Variants in ENDOU observed in about 807,000 individuals in gnomAD.
The protein encoded by ENDOU is uridylate-specific endoribonuclease.
ENDOU carries 49 observed loss-of-function variants against 54.2 expected under a neutral mutation model. The ratio of observed to expected loss-of-function variants is 0.90; its 90% confidence interval spans 0.72 to 1.15. ENDOU has a LOEUF of 1.15. ENDOU is among the 50% of genes most tolerant of loss of function. The pLI, the probability that ENDOU is intolerant of heterozygous loss-of-function variation, is 0.00. For missense variants in ENDOU, 458 were observed against 511.4 expected, an observed-to-expected ratio of 0.90 and a Z score of 1.01; for synonymous variants, 172 against 190.5, an observed-to-expected ratio of 0.90 and a Z score of 0.80.
chr12:47,715,004 G>C (rs1438942177), intron 6 of ENDOU, among the ~76,000 whole-genome samples: 1 of 152,200 alleles, frequency 6.6e-6, no homozygotes. Flanking sequence ...TGAGTGCCAG[G>C]CTTTCTACTG....
At chr12:47,725,325 C>T (rs1202488579) in intron 1 of ENDOU, 34 bp downstream of exon 1, 1 of 1,612,670 alleles carries the variant, frequency 6.2e-7, no homozygotes, top group Admixed American at 1.7e-5. Context: ...TCCCGCCCCA[C>T]CAGCAATCCC....
chr12:47,713,532 A>G (rs567974447), intron 6 of ENDOU, 144 bp from the exon 7 acceptor site: 172 of 624,050 alleles, frequency 2.8e-4, no homozygotes, highest in Non-Finnish European at 4.2e-4. Flanking sequence ...TGTTAATTCA[A>G]TGATTATCTA....
At chr12:47,717,465 T>G (rs2136679993) in intron 4 of ENDOU, 53 bp downstream of exon 4, 1 of 1,585,268 alleles carries the variant, frequency 6.3e-7, no homozygotes, top group Middle Eastern at 1.7e-4. Flanking sequence ...GTTGAGAACC[T>G]GCTCTAAAGT....
chr12:47,710,881 C>T lies in ENDOU; in HGVS notation c.1154G>A (p.Arg385Gln), dbSNP rs1430535791. 7.4e-6 allele frequency: 12 copies of T among 1,613,886 alleles called. No individual in the cohort carries two copies. Among genetic ancestry groups the T allele is most frequent in the East Asian group, 2.2e-5 (1 of 44,892 alleles). ...GGTGGACTTGTCCCAGGTATATGTCCGGACAGCTAAGGGATATCCTCCCAG... is the reference window on the plus strand; with the variant it reads ...GGTGGACTTGTCCCAGGTATATGTCTGGACAGCTAAGGGATATCCTCCCAG... ...LSLGGYPLAV[R>Q]TYTWDKSTYG... is the part of the protein sequence containing the mutation. The change falls in exon 10 of 10, where the codon CGG becomes CAG. Residue 385 changes from arginine (R) to glutamine (Q), a missense_variant. By Grantham distance (43) the Arg-to-Gln change is conservative. Transcript: ENST00000422538.
At chr12:47,721,082 C>T (rs1340387363) in intron 1 of ENDOU, among the ~76,000 whole-genome samples, 2 of 152,164 alleles carry the variant, frequency 1.3e-5, no homozygotes, top group African/African-American at 4.8e-5. Context: ...TATTTCAAGG[C>T]TCATCAAAGA....
intron 2 of ENDOU, 93 bp downstream of exon 2, chr12:47,720,660 G>A (rs1940400376): frequency 7.2e-6 from 10 of 1,380,774 alleles, no homozygotes; most frequent in Non-Finnish European, 9.7e-6. Flanking sequence ...TAGAGCCCCT[G>A]TGAGTCCTGA....
rs753902868 is a variant in ENDOU, at chr12:47,716,463, C to T, written c.588G>A (p.Lys196=). The T allele has an allele frequency of 1.8e-5, 29 of 1,613,904 alleles. No homozygotes were observed. The highest frequency in any genetic ancestry group is 1.8e-4 in the South Asian group (16 of 91,070). ...FTYVNEKLFS[K]PTYAAFINLL... ...GGTTGATGAAGGCTGCATAGGTGGG[C>T]TTGGAGAACAGCTTCTCATTGACAT... Residue 196 remains lysine (K), a synonymous_variant, in exon 6 of 10, where the codon AAG becomes AAA. Coordinates refer to ENST00000422538, the MANE Select transcript of ENDOU (RefSeq NM_001172439.2).
chr12:47,722,413 G>C (rs781151740), intron 1 of ENDOU, among the ~76,000 whole-genome samples: 1 of 152,144 alleles, frequency 6.6e-6, no homozygotes, highest in Non-Finnish European at 1.5e-5. Context: ...GTTGGTTTTC[G>C]TATCTGTAAA....
intron 1 of ENDOU, among the ~76,000 whole-genome samples, chr12:47,724,923 A>AACATCAC (rs1344941401): frequency 6.6e-6 from 1 of 152,144 alleles, no homozygotes; most frequent in Non-Finnish European, 1.5e-5. Flanking sequence ...TACCCAAAGT[A>AACATCAC]ACATCACACC....
In ENDOU at chr12:47,712,614, T is replaced by C. The variant is rs772206630; in HGVS notation, c.874A>G (p.Lys292Glu). The change falls in exon 8 of 10, where the codon AAA becomes GAA. Residue 292 changes from lysine to glutamate, a missense_variant. Transcript: ENST00000422538. ...GFEHVFSGEV[K>E]KGKVTGFHNW... ...TGGAAGCCAGTAACCTTGCCTTTTT[T>C]TACCTCACCTATAATAAAGAGTCCA... 1.3e-5 allele frequency: 21 copies of C among 1,613,118 alleles called. No homozygotes were observed. The East Asian group carries it at 4.7e-4, about 36-fold the overall frequency.
At chr12:47,717,875 A>G in intron 3 of ENDOU, 1 of 608,498 alleles carries the variant, frequency 1.6e-6, no homozygotes, top group Non-Finnish European at 2.9e-6. Context: ...TAATCTTCTC[A>G]TTCTAAAAAT....
At chr12:47,724,499 G>C (rs1940527715) in intron 1 of ENDOU, among the ~76,000 whole-genome samples, 1 of 152,148 alleles carries the variant, frequency 6.6e-6, no homozygotes, top group African/African-American at 2.4e-5. Context: ...ATCTCACTTT[G>C]CACCAGGTGC....
chr12:47,710,194 ACT>A lies in ENDOU; in HGVS notation c.*606_*607del, dbSNP rs1939934615. 1.3e-5 allele frequency: 2 copies of A among 152,082 alleles called. No individual in the cohort carries two copies. Among genetic ancestry groups the A allele is most frequent in the Admixed American group, 1.3e-4 (2 of 15,268 alleles). 9.4% of individuals were successfully genotyped at this position (152,082 alleles called of 1,614,324 possible). A position where few individuals can be genotyped will look rare whatever the true frequency, so the allele number is the denominator to read the frequency against. On this transcript the variant is annotated 3_prime_UTR_variant, in exon 10 of 10. Coordinates refer to ENST00000422538, the MANE Select transcript of ENDOU (RefSeq NM_001172439.2). ...CCATTCAGCATTGGAGTTCTCCCAGACTCTGTTCTGAGAGGATCTAACTCTGG... is the reference window on the plus strand; with the variant it reads ...CCATTCAGCATTGGAGTTCTCCCAGACTGTTCTGAGAGGATCTAACTCTGG...
chr12:47,720,697 AG>A, intron 2 of ENDOU, 55 bp downstream of exon 2: 1 of 1,525,748 alleles, frequency 6.6e-7, no homozygotes, highest in Non-Finnish European at 8.8e-7. Flanking sequence ...CTGGACACCC[AG>A]GCCAGTGGCC....
chr12:47,715,977 G>C (rs908699835), intron 6 of ENDOU, among the ~76,000 whole-genome samples: 1 of 152,158 alleles, frequency 6.6e-6, no homozygotes, highest in African/African-American at 2.4e-5. Context: ...TCTGGGTGGG[G>C]GTGGGATGTG....
Position 47,716,468 on chromosome 12 carries a change from A to G in ENDOU, c.583T>C (p.Ser195Pro). Residue 195 changes from serine to proline, a missense_variant, in exon 6 of 10, where the codon TCC (serine) becomes CCC (proline). Ser to Pro is a moderately conservative substitution (Grantham distance 74). Transcript: ENST00000422538. ...ATGAAGGCTGCATAGGTGGGCTTGG[A>G]GAACAGCTTCTCATTGACATAAGTG... Reference protein sequence around the residue: ...LFTYVNEKLFSKPTYAAFINL... With the variant: ...LFTYVNEKLFPKPTYAAFINL... 6.2e-7 allele frequency: 1 copy of G among 1,613,858 alleles called. No individual in the cohort carries two copies. Among genetic ancestry groups the G allele is most frequent in the South Asian group, 1.1e-5 (1 of 91,064 alleles).
Position 47,710,701 on chromosome 12 carries a change from T to C in ENDOU, c.*101A>G, listed in dbSNP as rs745983640. The C allele has an allele frequency of 1.3e-6, 1 of 786,458 alleles. No homozygotes were observed. Among genetic ancestry groups the C allele is most frequent in the South Asian group, 1.5e-5 (1 of 67,438 alleles). The allele number at this position is 786,458 out of a possible 1,614,324, so 48.7% of individuals were successfully genotyped here. On this transcript the variant is annotated 3_prime_UTR_variant, in exon 10 of 10. Transcript: ENST00000422538. ...GAATGCTTCTCATTGCTTTGAGATT[T>C]GGTGATCCCTTCCAGTCCTCTCCCT...
intron 5 of ENDOU, 126 bp downstream of exon 5, chr12:47,716,764 G>A (rs1166630155): frequency 1.2e-5 from 12 of 968,934 alleles, no homozygotes; most frequent in Admixed American, 2.4e-5. Flanking sequence ...TTTGTCTCTG[G>A]AGAACTATTT....
At chr12:47,718,094 A>T in intron 3 of ENDOU, 35 bp downstream of exon 3, 1 of 1,540,616 alleles carries the variant, frequency 6.5e-7, no homozygotes, top group Non-Finnish European at 8.8e-7. Context: ...CTCCTGCTTT[A>T]TCTTGAGGGC....
Sources: gnomAD v4.1 joint callset for allele counts (sites outside exome capture counted in the v4.1 genomes callset) on GRCh38, gnomAD v4.1.1 for gene constraint, MANE v1.5 for transcripts, NCBI Gene and HGNC (gene_info 2026-07-23, HGNC 2026-07-21) for gene names.